Variants in ANK1 observed in about 807,000 individuals in gnomAD.
The protein encoded by ANK1 is ankyrin-1.
A neutral mutation model predicts 210.4 loss-of-function variants in ANK1; 51 were observed. The ratio of observed to expected loss-of-function variants is 0.24; its 90% confidence interval spans 0.19 to 0.31. The LOEUF (loss-of-function observed/expected upper bound fraction) is 0.31, where lower values mean the gene tolerates loss of function less well. ANK1 is among the 10% of genes least tolerant of loss of function. ANK1 has a pLI of 1.00. For synonymous variants in ANK1, 967 were observed against 1,025.9 expected (o/e 0.94, Z 1.10); for missense variants, 2,051 against 2,504.4 (o/e 0.82, Z 3.86).
chr8:41,799,330 G>GGCAT (rs1849490286), upstream of ANK1, among the ~76,000 whole-genome samples: 2 of 152,176 alleles, frequency 1.3e-5, no homozygotes. Flanking sequence ...GGGGCAGCGT[G>GGCAT]GCATGCACCC....
chr8:41,854,468 A>G (rs1388298830), intron 1 of ANK1, among the ~76,000 whole-genome samples: 1 of 152,176 alleles, frequency 6.6e-6, no homozygotes, highest in Non-Finnish European at 1.5e-5. Flanking sequence ...CACAAGCATC[A>G]TATCTGAGAT....
At chr8:41,663,086 G>T (rs1159614531) in intron 40 of ANK1, among the ~76,000 whole-genome samples, 6 of 87,408 alleles carry the variant, frequency 6.9e-5, no homozygotes, top group African/African-American at 2.9e-4. Flanking sequence ...GGCTAATTTT[G>T]TGTGTGTGTG....
chr8:41,717,995 C>G, intron 11 of ANK1, 111 bp downstream of exon 11: 1 of 1,046,798 alleles, frequency 9.6e-7, no homozygotes, highest in Non-Finnish European at 1.4e-6. Flanking sequence ...TCCAGACTTG[C>G]AGACACACAC....
intron 37 of ANK1, among the ~76,000 whole-genome samples, chr8:41,682,522 G>A (rs1288646645): frequency 6.6e-6 from 1 of 152,252 alleles, no homozygotes; most frequent in Non-Finnish European, 1.5e-5. Context: ...CTGGCATGTG[G>A]TTGATACTTG....
intron 1 of ANK1, among the ~76,000 whole-genome samples, chr8:41,803,037 GAA>G (rs1248822461): frequency 6.3e-4 from 46 of 72,830 alleles, no homozygotes; most frequent in African/African-American, 2.4e-3. Flanking sequence ...AAGAAAGAAA[GAA>G]AGAGAAAGAA....
intron 1 of ANK1, among the ~76,000 whole-genome samples, chr8:41,770,838 A>T (rs763430448): frequency 3.3e-5 from 5 of 152,254 alleles, no homozygotes; most frequent in Non-Finnish European, 7.3e-5. Context: ...CCCTTGAAAC[A>T]TAAATTCCAG....
chr8:41,694,137 A>T lies in ANK1; in HGVS notation c.3328-35T>A, dbSNP rs1820140014. On this transcript the variant is annotated intron_variant, in intron 28 of 42. Coordinates refer to ENST00000289734, the MANE Select transcript of ANK1 (RefSeq NM_000037.4). The surrounding 1 kb of genome is among the most constrained non-coding windows in gnomAD (Gnocchi z 5.7). ...GACAGAGGCAGGACACTCAGGCCCA[A>T]GCAGGAGAGGGGCTAATCAGACGGG... The T allele has an allele frequency of 6.3e-7, 1 of 1,599,776 alleles. No individual in the cohort carries two copies.
chr8:41,699,237 A>AGAGGCGTCCAGGCAGCACGGTGTGAGG (rs1821979911), intron 23 of ANK1, among the ~76,000 whole-genome samples: 1 of 152,152 alleles, frequency 6.6e-6, no homozygotes, highest in Non-Finnish European at 1.5e-5. Context: ...AGAGGAGCAG[A>AGAGGCGTCCAGGCAGCACGGTGTGAGG]GAGGCGTCCA....
intron 1 of ANK1, 116 bp from the exon 2 acceptor site, chr8:41,758,253 GC>G: frequency 3.3e-6 from 3 of 915,478 alleles, no homozygotes; most frequent in South Asian, 1.3e-5. Context: ...GCACCCTGGT[GC>G]CCACAGTGAC....
chr8:41,771,443 T>A (rs761322683), intron 1 of ANK1, among the ~76,000 whole-genome samples: 4 of 152,240 alleles, frequency 2.6e-5, no homozygotes, highest in Non-Finnish European at 1.5e-5. Context: ...TGCTTCTCCA[T>A]CTGCATTTTG....
At chr8:41,732,720 G>A (rs755222607) in intron 3 of ANK1, among the ~76,000 whole-genome samples, 1 of 144,552 alleles carries the variant, frequency 6.9e-6, no homozygotes, top group East Asian at 2.1e-4. Flanking sequence ...GCCTTGTTTC[G>A]TTTTATTTAT....
At chr8:41,716,459 C>A (rs1179318331) in intron 13 of ANK1, among the ~76,000 whole-genome samples, 1 of 152,096 alleles carries the variant, frequency 6.6e-6, no homozygotes, top group Non-Finnish European at 1.5e-5. Context: ...AAATCACAGG[C>A]CTGACTCTAA....
chr8:41,733,730 C>G (rs970366425), intron 3 of ANK1, among the ~76,000 whole-genome samples: 1 of 152,140 alleles, frequency 6.6e-6, no homozygotes, highest in Admixed American at 6.5e-5. Flanking sequence ...ATAAAGCCAT[C>G]AGGAAAGGGC....
intron 1 of ANK1, among the ~76,000 whole-genome samples, chr8:41,857,181 C>CT (rs78365145): frequency 5.5e-4 from 79 of 143,272 alleles, no homozygotes; most frequent in Non-Finnish European, 8.4e-4. Context: ...CTCCTGGCAT[C>CT]TTTTTTTTTT....
chr8:41,834,966 T>C (rs1272504012), intron 1 of ANK1, among the ~76,000 whole-genome samples: 1 of 152,136 alleles, frequency 6.6e-6, no homozygotes, highest in Non-Finnish European at 1.5e-5. Context: ...AGGGGCAGGG[T>C]CCTGACCCAG....
At chr8:41,896,387 G>T (rs982288921) in exon 1 of ANK1, 2 of 1,601,152 alleles carry the variant, frequency 1.2e-6, no homozygotes, top group East Asian at 2.3e-5. Flanking sequence ...CGGTTTCTCC[G>T]CTTCCTGTTG....
intron 1 of ANK1, among the ~76,000 whole-genome samples, chr8:41,817,493 C>A (rs1803527680): frequency 6.6e-6 from 1 of 152,174 alleles, no homozygotes; most frequent in Non-Finnish European, 1.5e-5. Flanking sequence ...GTTTTTAATT[C>A]CCCTAAGAAC....
chr8:41,815,331 CTT>C (rs1421275905), intron 1 of ANK1, among the ~76,000 whole-genome samples: 1 of 152,054 alleles, frequency 6.6e-6, no homozygotes, highest in Non-Finnish European at 1.5e-5. Context: ...TTCACTATCT[CTT>C]ATTAAGACTA....
At chr8:41,728,116 T>C (rs1001056150) in intron 3 of ANK1, 110 bp from the exon 4 acceptor site, 8 of 966,670 alleles carry the variant, frequency 8.3e-6, no homozygotes, top group East Asian at 2.5e-5. Flanking sequence ...GCTTTCTTCA[T>C]GGCCAAAAGG....
Sources: allele counts gnomAD v4.1 joint callset (sites outside exome capture counted in the v4.1 genomes callset), GRCh38; gene constraint gnomAD v4.1.1; non-coding constraint Gnocchi (gnomAD v3.1); transcripts MANE v1.5; gene names NCBI Gene and HGNC (gene_info 2026-07-23, HGNC 2026-07-21).